TBC1D5: variants seen among roughly 807,000 people sequenced by gnomAD.
The protein encoded by TBC1D5 is TBC1 domain family, member 5.
In TBC1D5, 75 loss-of-function variants were observed where a neutral mutation model predicts 100.3. The ratio of observed to expected loss-of-function variants is 0.75; its 90% CI spans 0.62 to 0.91. The LOEUF (loss-of-function observed/expected upper bound fraction) is 0.91, where lower values mean the gene tolerates loss of function less well. Ranked by LOEUF, TBC1D5 falls within the 40% of genes least tolerant of loss-of-function variation. The pLI, the probability that TBC1D5 is intolerant of heterozygous loss-of-function variation, is 0.00. For missense variants in TBC1D5, 910 were observed against 942.4 expected, an observed-to-expected ratio of 0.97 and a Z score of 0.45; for synonymous variants, 323 against 325.6, an observed-to-expected ratio of 0.99 and a Z score of 0.09.
intron 1 of TBC1D5, among the ~76,000 whole-genome samples, chr3:17,668,686 C>A (rs1280045833): frequency 6.6e-6 from 1 of 151,970 alleles, no homozygotes. Flanking sequence ...CGTAAACTGC[C>A]AAGATTTTTT....
At chr3:17,168,610 C>T (rs190931536) in intron 19 of TBC1D5, among the ~76,000 whole-genome samples, 56 of 152,160 alleles carry the variant, frequency 3.7e-4, no homozygotes, top group African/African-American at 1.2e-3. Flanking sequence ...CGCAAGGGGC[C>T]GGGGTTGGGA....
At chr3:17,477,917 A>C (rs1012146804) in intron 3 of TBC1D5, among the ~76,000 whole-genome samples, 1 of 152,140 alleles carries the variant, frequency 6.6e-6, no homozygotes, top group Non-Finnish European at 1.5e-5. Context: ...AAATGTTCAC[A>C]TAAGAGAATA....
intron 4 of TBC1D5, among the ~76,000 whole-genome samples, chr3:17,424,615 T>C (rs1006927057): frequency 2.0e-5 from 3 of 152,230 alleles, no homozygotes; most frequent in Non-Finnish European, 4.4e-5. Context: ...AGTTCAGAGA[T>C]ATACAATCAA....
At chr3:17,739,915 G>A (rs2077268952) in exon 1 of TBC1D5, 1 of 152,188 alleles carries the variant, frequency 6.6e-6, no homozygotes, top group Non-Finnish European at 1.5e-5. Context: ...TGAGGCAGGA[G>A]AATCGCTTGA....
intron 17 of TBC1D5, among the ~76,000 whole-genome samples, chr3:17,221,569 A>G (rs1456105723): frequency 6.6e-6 from 1 of 152,116 alleles, no homozygotes; most frequent in Non-Finnish European, 1.5e-5. Flanking sequence ...CAAACATGAG[A>G]AGGGCTTGAC....
At chr3:17,328,520 C>T (rs1247055523) in intron 13 of TBC1D5, among the ~76,000 whole-genome samples, 1 of 152,204 alleles carries the variant, frequency 6.6e-6, no homozygotes, top group African/African-American at 2.4e-5. Context: ...CCGGTCATCA[C>T]TGAGACAGTG....
At chr3:17,677,598 A>C (rs1224911683) in intron 1 of TBC1D5, among the ~76,000 whole-genome samples, 3 of 152,244 alleles carry the variant, frequency 2.0e-5, no homozygotes, top group Non-Finnish European at 4.4e-5. Context: ...CAATTCCTCA[A>C]GGACCCAGAA....
chr3:17,369,945 A>C (rs112080006), intron 13 of TBC1D5, among the ~76,000 whole-genome samples: 6 of 152,316 alleles, frequency 3.9e-5, no homozygotes, highest in African/African-American at 1.4e-4. Context: ...TAATGAGCTA[A>C]ATGAGGTAGC....
intron 13 of TBC1D5, among the ~76,000 whole-genome samples, chr3:17,325,148 T>G (rs550506804): frequency 6.6e-6 from 1 of 152,152 alleles, no homozygotes; most frequent in African/African-American, 2.4e-5. Flanking sequence ...AACACCTGCA[T>G]ATGTAGATTT....
At chr3:17,254,037 T>C (rs1308283008) in intron 16 of TBC1D5, among the ~76,000 whole-genome samples, 1 of 152,232 alleles carries the variant, frequency 6.6e-6, no homozygotes, top group East Asian at 1.9e-4. Context: ...GGAACAACTC[T>C]AGTTCATTCC....
intron 13 of TBC1D5, among the ~76,000 whole-genome samples, chr3:17,324,270 T>C (rs967698565): frequency 6.6e-6 from 1 of 152,214 alleles, no homozygotes; most frequent in Admixed American, 6.5e-5. Context: ...TCTTAGGACA[T>C]AGAAAACTCT....
intron 15 of TBC1D5, among the ~76,000 whole-genome samples, chr3:17,258,910 G>A (rs1329662580): frequency 6.6e-6 from 1 of 151,984 alleles, no homozygotes; most frequent in African/African-American, 2.4e-5. Context: ...AACTATATGA[G>A]ATGTAACACA....
At chr3:17,418,020 G>A (rs924333315) in intron 4 of TBC1D5, among the ~76,000 whole-genome samples, 1 of 152,014 alleles carries the variant, frequency 6.6e-6, no homozygotes, top group Non-Finnish European at 1.5e-5. Flanking sequence ...TCTTTGAAAC[G>A]CCTTGAGATT....
chr3:17,295,559 T>C (rs2082160752), intron 14 of TBC1D5, among the ~76,000 whole-genome samples: 1 of 152,232 alleles, frequency 6.6e-6, no homozygotes, highest in African/African-American at 2.4e-5. Flanking sequence ...AGTAATGATA[T>C]GCAGAAAAAG....
intron 8 of TBC1D5, among the ~76,000 whole-genome samples, chr3:17,396,069 C>T (rs1442153891): frequency 1.3e-5 from 2 of 152,182 alleles, no homozygotes; most frequent in Non-Finnish European, 2.9e-5. Flanking sequence ...AAGAAACACA[C>T]ACAGGTTGCC....
At chr3:17,270,269 C>T (rs1316818209) in intron 15 of TBC1D5, among the ~76,000 whole-genome samples, 2 of 152,074 alleles carry the variant, frequency 1.3e-5, no homozygotes, top group Non-Finnish European at 2.9e-5. Context: ...TTTTCATATG[C>T]TTGTTGGACA....
intron 15 of TBC1D5, among the ~76,000 whole-genome samples, chr3:17,259,852 T>A (rs1035943227): frequency 6.6e-6 from 1 of 152,202 alleles, no homozygotes; most frequent in Non-Finnish European, 1.5e-5. Flanking sequence ...AACCCTTTCA[T>A]ATCTCTTCCA....
chr3:17,725,823 C>CA (rs772545628), intron 1 of TBC1D5, among the ~76,000 whole-genome samples: 3 of 152,282 alleles, frequency 2.0e-5, no homozygotes, highest in Non-Finnish European at 2.9e-5. Context: ...GCAATAAACA[C>CA]AGTACTCAAT....
In TBC1D5 at chr3:17,678,965, T is replaced by C. The variant is rs755812941; in HGVS notation, c.-100-55052A>G. On this transcript the variant is annotated intron_variant, in intron 1 of 21. Transcript: ENST00000253692. ...GAAATGAAGCCTTTAATATCTAAAA[T>C]AAAATTATCTACAATCTAGAATTCT... is the stretch of plus-strand genomic sequence containing the variant. Among the ~76,000 whole-genome samples the C allele has an allele frequency of 3.3e-5, 5 of 150,714 alleles. No individual in the cohort carries two copies. The East Asian group carries it at 9.7e-4, about 29-fold the overall frequency.
Sources: allele counts gnomAD v4.1 joint callset (sites outside exome capture counted in the v4.1 genomes callset), GRCh38; gene constraint gnomAD v4.1.1; transcripts MANE v1.5; gene names NCBI Gene and HGNC (gene_info 2026-07-23, HGNC 2026-07-21).